The following RASGRP3 variants were observed in gnomAD, a reference collection of about 807,000 sequenced individuals.
The protein encoded by RASGRP3 is ras guanyl-releasing protein 3.
RASGRP3 carries 54 observed loss-of-function variants against 82.7 expected under a neutral mutation model. The ratio of observed to expected loss-of-function variants is 0.65; its 90% confidence interval spans 0.52 to 0.82. The LOEUF (loss-of-function observed/expected upper bound fraction) is 0.82, where lower values mean the gene tolerates loss of function less well. Ranked by LOEUF, RASGRP3 falls within the 40% of genes least tolerant of loss-of-function variation. The pLI is 0.00. For missense variants in RASGRP3, 861 were observed against 828.9 expected (o/e 1.04, Z -0.48); for synonymous variants, 309 against 300.5 (o/e 1.03, Z -0.29).
intron 10 of RASGRP3, among the ~76,000 whole-genome samples, chr2:33,529,055 A>G (rs1335766278): frequency 6.6e-6 from 1 of 152,232 alleles, no homozygotes; most frequent in Non-Finnish European, 1.5e-5. Context: ...GCATAACTTC[A>G]GAGAGCAGGT....
chr2:33,499,744 C>G (rs574575623), intron 1 of RASGRP3, among the ~76,000 whole-genome samples: 1 of 148,170 alleles, frequency 6.7e-6, no homozygotes, highest in East Asian at 2.0e-4. Context: ...AATTACATGC[C>G]CCATTAAAAT....
intron 11 of RASGRP3, among the ~76,000 whole-genome samples, chr2:33,536,195 A>G (rs1221432415): frequency 1.3e-5 from 2 of 151,524 alleles, no homozygotes; most frequent in Non-Finnish European, 2.9e-5. Context: ...CCAGCTACTT[A>G]GGAGGCTGAG....
intron 13 of RASGRP3, among the ~76,000 whole-genome samples, chr2:33,546,465 T>C (rs1439285893): frequency 6.7e-6 from 1 of 149,968 alleles, no homozygotes; most frequent in East Asian, 2.0e-4. Context: ...CAGATGCTAG[T>C]GAAGTTGCAG....
chr2:33,476,967 C>T (rs1048268017), intron 1 of RASGRP3, among the ~76,000 whole-genome samples: 1 of 152,096 alleles, frequency 6.6e-6, no homozygotes, highest in African/African-American at 2.4e-5. Context: ...GGGCATATGG[C>T]TTCATTCCTG....
chr2:33,479,566 T>G (rs572726881), intron 1 of RASGRP3, among the ~76,000 whole-genome samples: 1 of 152,246 alleles, frequency 6.6e-6, no homozygotes, highest in Non-Finnish European at 1.5e-5. Context: ...TTTTTTGAGC[T>G]GTGGGTGTAA....
intron 1 of RASGRP3, among the ~76,000 whole-genome samples, chr2:33,438,451 A>G (rs573776608): frequency 6.6e-6 from 1 of 152,106 alleles, no homozygotes; most frequent in South Asian, 2.1e-4. Context: ...AATCCTTGCT[A>G]CTTGGGAGGC....
chr2:33,547,326 T>C (rs1490020777), intron 13 of RASGRP3, among the ~76,000 whole-genome samples: 1 of 136,872 alleles, frequency 7.3e-6, no homozygotes, highest in African/African-American at 2.7e-5. Flanking sequence ...CCCCGCAAGC[T>C]TGAGAATATA....
intron 6 of RASGRP3, among the ~76,000 whole-genome samples, chr2:33,521,584 AAAGTATGAGAACCACAGCTTCTAG>A (rs1303515173): frequency 6.6e-6 from 1 of 152,250 alleles, no homozygotes; most frequent in Non-Finnish European, 1.5e-5. Flanking sequence ...ATGTTATACT[AAAGTATGAGAACCACAGCTTCTAG>A]TGGTTTCCAT....
At position 33,540,574 on chromosome 2, in the gene RASGRP3, G is replaced by T. The variant is rs1432489634; in HGVS notation, c.1278+1364G>T. Among the ~76,000 whole-genome samples the T allele has an allele frequency of 7.2e-3, 331 of 46,276 alleles. 15 individuals carry two copies. The highest frequency in any genetic ancestry group is 0.023 in the African/African-American group (321 of 13,712). The allele number at this position is 46,276 out of a possible 152,430, so 30.4% of individuals were successfully genotyped here. On this transcript the variant is annotated intron_variant, in intron 12 of 17. Coordinates refer to ENST00000403687, the MANE Select transcript of RASGRP3 (RefSeq NM_001139488.2). ...GTGTGTTTTGTGTGTGTGTGTGTGTGTGTGTGTGTGTGTGTGTGTGTGTGT... is the reference window on the plus strand; with the variant it reads ...GTGTGTTTTGTGTGTGTGTGTGTGTTTGTGTGTGTGTGTGTGTGTGTGTGT...
chr2:33,461,798 T>C (rs1450433214), intron 2 of RASGRP3, among the ~76,000 whole-genome samples: 1 of 152,062 alleles, frequency 6.6e-6, no homozygotes, highest in Non-Finnish European at 1.5e-5. Context: ...ATTGAGCAAA[T>C]ACAGTGTAAG....
At chr2:33,509,265 G>T (rs1419213167) in intron 1 of RASGRP3, among the ~76,000 whole-genome samples, 1 of 152,098 alleles carries the variant, frequency 6.6e-6, no homozygotes, top group Non-Finnish European at 1.5e-5. Flanking sequence ...AGCCAGGTGT[G>T]GTGGCACATG....
chr2:33,505,131 A>G (rs1297094906), intron 1 of RASGRP3, among the ~76,000 whole-genome samples: 1 of 149,368 alleles, frequency 6.7e-6, no homozygotes, highest in Admixed American at 6.6e-5. Context: ...CCTCCATATC[A>G]TCACCATCAT....
chr2:33,476,057 C>A (rs919590927), upstream of RASGRP3, among the ~76,000 whole-genome samples: 1 of 152,148 alleles, frequency 6.6e-6, no homozygotes, highest in Non-Finnish European at 1.5e-5. Context: ...CCTCAGCGTC[C>A]CTTGGCTTAG....
chr2:33,466,476 C>A (rs984116269), intron 2 of RASGRP3, among the ~76,000 whole-genome samples: 1 of 152,000 alleles, frequency 6.6e-6, no homozygotes, highest in Non-Finnish European at 1.5e-5. Flanking sequence ...GTCAGGAATT[C>A]GAGACCAGCC....
chr2:33,550,971 T>A (rs1428820148), intron 14 of RASGRP3, among the ~76,000 whole-genome samples: 1 of 152,234 alleles, frequency 6.6e-6, no homozygotes. Flanking sequence ...GGTGAAGTTC[T>A]TCTTTAGTAT....
At chr2:33,512,753 G>A (rs75296995) in intron 2 of RASGRP3, among the ~76,000 whole-genome samples, 2,400 of 152,176 alleles carry the variant, frequency 0.016, 68 homozygotes, top group African/African-American at 0.055. Context: ...TAATCCACTC[G>A]TTTATTAATT....
At chr2:33,522,229 A>G (rs975003085) in intron 7 of RASGRP3, 127 bp downstream of exon 7, 2 of 988,584 alleles carry the variant, frequency 2.0e-6, no homozygotes, top group Admixed American at 2.5e-5. Context: ...AAGTGCCCTT[A>G]ATTCACAGGA....
intron 2 of RASGRP3, among the ~76,000 whole-genome samples, chr2:33,459,614 G>A (rs995194150): frequency 2.1e-5 from 3 of 143,512 alleles, no homozygotes; most frequent in Non-Finnish European, 1.5e-5. Context: ...GCTCAACTTT[G>A]ATTTGTACAG....
intron 17 of RASGRP3, among the ~76,000 whole-genome samples, chr2:33,561,464 T>C (rs1676645735): frequency 6.6e-6 from 1 of 152,144 alleles, no homozygotes; most frequent in Non-Finnish European, 1.5e-5. Flanking sequence ...TTATATGAAA[T>C]GCATATATAT....
Sources: gnomAD v4.1 joint callset for allele counts (sites outside exome capture counted in the v4.1 genomes callset) on GRCh38, gnomAD v4.1.1 for gene constraint, MANE v1.5 for transcripts, NCBI Gene and HGNC (gene_info 2026-07-23, HGNC 2026-07-21) for gene names.